The following RNPC3 variants were observed in gnomAD, a reference collection of about 807,000 sequenced individuals.
The protein encoded by RNPC3 is RNA-binding region-containing protein 3.
Under a neutral mutation model 67.5 loss-of-function variants are expected in RNPC3, and 48 were observed. The observed-to-expected ratio is 0.71, with a 90% CI of 0.56 to 0.90. The LOEUF (loss-of-function observed/expected upper bound fraction) is 0.90. RNPC3 is among the 40% of genes least tolerant of loss of function. The probability of loss-of-function intolerance (pLI) is 0.00; values close to 1 mark genes in which losing one functional copy is unlikely to be tolerated. For synonymous variants in RNPC3, 239 were observed against 210.3 expected, an observed-to-expected ratio of 1.14 and a Z score of -1.18; for missense variants, 637 against 626.1, an observed-to-expected ratio of 1.02 and a Z score of -0.19.
chr1:103,543,304 A>G lies in RNPC3; in HGVS notation c.902A>G (p.His301Arg). The part of the protein sequence containing the change: ...TPLCPSHSSL[H>R]PVLLPSDVFD... ...TGATTGTTTTTAAATAGCAGTTTAC[A>G]TCCAGTGCTGTTACCTTCAGATGTA... Residue 301 changes from histidine (H) to arginine (R), a missense_variant, in exon 9 of 15, where the codon CAT (histidine) becomes CGT (arginine). By Grantham distance (29) the His-to-Arg change is conservative. This residue lies in a region of RNPC3 where 536 missense variants were observed against 500.3 expected (regional missense o/e 1.07). Coordinates refer to ENST00000423855, the MANE Select transcript of RNPC3 (RefSeq NM_017619.4). 1 of 1,446,842 alleles carries G rather than the reference A, an allele frequency of 6.9e-7. No homozygotes were observed. Among genetic ancestry groups the G allele is most frequent in the South Asian group, 1.5e-5 (1 of 68,624 alleles). 89.6% of individuals were successfully genotyped at this position (1,446,842 alleles called of 1,614,324 possible). A position where few individuals can be genotyped will look rare whatever the true frequency, so the allele number is the denominator to read the frequency against.
intron 2 of RNPC3, among the ~76,000 whole-genome samples, chr1:103,529,103 C>G (rs1448577466): frequency 6.6e-6 from 1 of 152,042 alleles, no homozygotes; most frequent in Non-Finnish European, 1.5e-5. Flanking sequence ...GATGTAACCT[C>G]AGATTTTTTG....
At position 103,533,841 on chromosome 1, in the gene RNPC3, T is replaced by C. The variant is rs753709433; in HGVS notation, c.343T>C (p.Ser115Pro). The C allele has an allele frequency of 1.4e-6, 2 of 1,481,056 alleles. No individual in the cohort carries two copies. The highest frequency in any genetic ancestry group is 1.2e-5 in the South Asian group (1 of 81,178). The allele number at this position is 1,481,056 out of a possible 1,614,324, so 91.7% of individuals were successfully genotyped here. A position where few individuals can be genotyped will look rare whatever the true frequency, so the allele number is the denominator to read the frequency against. ...RVHSPCPTSGSEKKKRSDDPV... is the reference protein window; with the variant it reads ...RVHSPCPTSGPEKKKRSDDPV... ...TCACTCCCCATGTCCCACTTCAGGC[T>C]CTGAAAAAAAAAAAAGGTATGTAGA... is the stretch of plus-strand genomic sequence containing the variant. Residue 115 changes from serine to proline, a missense_variant, in exon 3 of 15, where the codon TCT (serine) becomes CCT (proline). Coordinates refer to ENST00000423855, the MANE Select transcript of RNPC3 (RefSeq NM_017619.4).
chr1:103,526,258 G>T lies in RNPC3; in HGVS notation c.188G>T (p.Arg63Leu). The T allele has an allele frequency of 6.5e-7, 1 of 1,539,564 alleles. No homozygotes were observed. Among genetic ancestry groups the T allele is most frequent in the Non-Finnish European group, 8.8e-7 (1 of 1,139,954 alleles). Residue 63 changes from arginine (R) to leucine (L), a missense_variant, in exon 1 of 15, where the codon CGA becomes CTA. Physicochemically the swap from Arg to Leu is moderately radical, Grantham distance 102 (BLOSUM62 -2). Transcript: ENST00000423855. Reference protein sequence around the residue: ...QSVRVLSDKGRLKHTAFATFP... With the variant: ...QSVRVLSDKGLLKHTAFATFP... ...GTGCGGGTCCTGTCAGATAAGGGGC[G>T]ACTGGTAAGGGCGCGCCCCTCCGGA... is the stretch of plus-strand genomic sequence containing the variant.
Position 103,540,599 on chromosome 1 carries a change from A to G in RNPC3, c.768-751A>G, listed in dbSNP as rs923325790. Reference sequence around the variant, plus strand: ...ATATGTTTTCATTTTTCCTCAGGGAAAAAAGGTTTAAAGCTTATTTGAACA... The same window carrying G: ...ATATGTTTTCATTTTTCCTCAGGGAGAAAAGGTTTAAAGCTTATTTGAACA... On this transcript the variant is annotated intron_variant, in intron 7 of 14. Transcript: ENST00000423855. Among the ~76,000 whole-genome samples the G allele has an allele frequency of 3.9e-5, 6 of 152,184 alleles. No individual in the cohort carries two copies. In the East Asian group the frequency reaches 1.2e-3, roughly 29 times the overall value.
chr1:103,550,501 C>T (rs911620893), intron 12 of RNPC3, among the ~76,000 whole-genome samples: 16 of 151,644 alleles, frequency 1.1e-4, no homozygotes, highest in Admixed American at 8.5e-4. Context: ...ATTAGCCAGG[C>T]GTGGTGGCGG....
chr1:103,535,567 A>C (rs1464604278), intron 5 of RNPC3, 126 bp downstream of exon 5: 2 of 569,532 alleles, frequency 3.5e-6, no homozygotes, highest in Non-Finnish European at 6.0e-6. Flanking sequence ...TTTTAAATGT[A>C]ATTAAATATT....
intron 12 of RNPC3, among the ~76,000 whole-genome samples, chr1:103,550,394 G>C (rs1651357323): frequency 6.6e-6 from 1 of 151,902 alleles, no homozygotes; most frequent in Non-Finnish European, 1.5e-5. Flanking sequence ...AGCACTTTGG[G>C]AGGCCGAGGC....
Position 103,541,428 on chromosome 1 carries a change from G to C in RNPC3, c.846G>C (p.Lys282Asn), listed in dbSNP as rs1343989997. ...TAAAGCAGCGCCATGTGAGAAAAAAGAGAAAAATAAAGGATATGTTGAATA... is the reference window on the plus strand; with the variant it reads ...TAAAGCAGCGCCATGTGAGAAAAAACAGAAAAATAAAGGATATGTTGAATA... The part of the protein sequence containing the change: ...KTIKQRHVRK[K>N]RKIKDMLNTP... Residue 282 changes from lysine (K) to asparagine (N), a missense_variant, in exon 8 of 15, where the codon AAG (lysine) becomes AAC (asparagine). Lys to Asn is a moderately conservative substitution (Grantham distance 94). Transcript: ENST00000423855. 3.2e-5 allele frequency: 48 copies of C among 1,493,118 alleles called. No homozygotes were observed. Among genetic ancestry groups the C allele is most frequent in the Non-Finnish European group, 4.1e-5 (46 of 1,132,816 alleles). 92.5% of individuals were successfully genotyped at this position (1,493,118 alleles called of 1,614,324 possible).
Position 103,527,720 on chromosome 1 carries a change from C to G in RNPC3, c.218C>G (p.Pro73Arg), listed in dbSNP as rs1650753206. The G allele has an allele frequency of 1.9e-6, 3 of 1,548,526 alleles. No individual in the cohort carries two copies. Among genetic ancestry groups the G allele is most frequent in the Non-Finnish European group, 2.6e-6 (3 of 1,144,850 alleles). The stretch of plus-strand genomic sequence containing the variant: ...AAACATACAGCTTTTGCCACATTCC[C>G]TAATGAAAAAGCAGCTATAAAGGTA... Reference protein sequence around the residue: ...RLKHTAFATFPNEKAAIKALT... With the variant: ...RLKHTAFATFRNEKAAIKALT... The change falls in exon 2 of 15, where the codon CCT (proline) becomes CGT (arginine). Residue 73 changes from proline to arginine, a missense_variant. Transcript: ENST00000423855.
intron 7 of RNPC3, among the ~76,000 whole-genome samples, chr1:103,540,771 A>G (rs1651107355): frequency 6.6e-6 from 1 of 152,158 alleles, no homozygotes; most frequent in South Asian, 2.1e-4. Context: ...TTAATATTAA[A>G]TATTCATATT....
intron 1 of RNPC3, 102 bp downstream of exon 1, chr1:103,526,364 G>A (rs759173093): frequency 3.1e-6 from 3 of 957,216 alleles, no homozygotes; most frequent in African/African-American, 1.7e-5. Context: ...GGGGAAGATG[G>A]ACTTGTGTGA....
At chr1:103,552,431 TA>T (rs1431114269) in intron 14 of RNPC3, 1 of 53,648 alleles carries the variant, frequency 1.9e-5, no homozygotes, top group East Asian at 5.1e-4. Context: ...AAGTAAATGT[TA>T]AAATAAAAGT....
At chr1:103,543,745 A>G (rs1651180003) in intron 9 of RNPC3, among the ~76,000 whole-genome samples, 3 of 151,606 alleles carry the variant, frequency 2.0e-5, no homozygotes, top group Admixed American at 2.0e-4. Flanking sequence ...TGACTTTTTC[A>G]TTTCTTGTTT....
intron 9 of RNPC3, among the ~76,000 whole-genome samples, chr1:103,544,599 TAGTG>T (rs1014655389): frequency 2.6e-5 from 4 of 152,002 alleles, no homozygotes; most frequent in East Asian, 1.9e-4. Context: ...ATTGCAAACA[TAGTG>T]AGTGAAAAAC....
intron 7 of RNPC3, among the ~76,000 whole-genome samples, chr1:103,538,809 A>T (rs1436441728): frequency 6.6e-6 from 1 of 152,202 alleles, no homozygotes; most frequent in African/African-American, 2.4e-5. Flanking sequence ...CTGCAGATGA[A>T]TTATTCTTTT....
Position 103,534,413 on chromosome 1 carries a change from A to G in RNPC3, c.360-361A>G, listed in dbSNP as rs191627955. Among the ~76,000 whole-genome samples the G allele has an allele frequency of 1.3e-4, 20 of 152,160 alleles. No individual in the cohort carries two copies. The East Asian group carries it at 3.7e-3, about 28-fold the overall frequency. On this transcript the variant is annotated intron_variant, in intron 3 of 14. Coordinates refer to ENST00000423855, the MANE Select transcript of RNPC3 (RefSeq NM_017619.4). ...TCTATGAGTTTTAATAAACTCTCCA[A>G]GTGATTATGACACACATTAAAGACA...
Position 103,526,141 on chromosome 1 carries a change from G to T in RNPC3, c.71G>T (p.Arg24Leu), listed in dbSNP as rs566889438. ...AGCTCCTCCTCGCTTTCCCCGCCTC[G>T]GGGCGACCGAACCCTTCTGGTCAGG... ...CTSSSSLSPPRGDRTLLVRHL... is the reference protein window; with the variant it reads ...CTSSSSLSPPLGDRTLLVRHL... The change falls in exon 1 of 15, where the codon CGG becomes CTG. Residue 24 changes from arginine to leucine, a missense_variant. By Grantham distance (102) the Arg-to-Leu change is moderately radical. This residue lies in a region of RNPC3 where 536 missense variants were observed against 500.3 expected (regional missense o/e 1.07). Transcript: ENST00000423855. 3 of 1,551,390 alleles carry T rather than the reference G, an allele frequency of 1.9e-6. No homozygotes were observed. Among genetic ancestry groups the T allele is most frequent in the Admixed American group, 2.0e-5 (1 of 50,966 alleles).
At chr1:103,554,119 C>CGA (rs1242890967) in intron 14 of RNPC3, 1 of 152,184 alleles carries the variant, frequency 6.6e-6, no homozygotes, top group East Asian at 1.9e-4. Context: ...TTTGCAAGTC[C>CGA]GAGATGGGAG....
chr1:103,526,213 A>C lies in RNPC3; in HGVS notation c.143A>C (p.Lys48Thr). The C allele has an allele frequency of 6.4e-7, 1 of 1,551,320 alleles. No individual in the cohort carries two copies. Among genetic ancestry groups the C allele is most frequent in the Non-Finnish European group, 8.7e-7 (1 of 1,146,822 alleles). Residue 48 changes from lysine (K) to threonine (T), a missense_variant, in exon 1 of 15, where the codon AAG (lysine) becomes ACG (threonine). Coordinates refer to ENST00000423855, the MANE Select transcript of RNPC3 (RefSeq NM_017619.4). ...LTAEEKEDLL[K>T]YFGAQSVRVL... is the part of the protein sequence containing the mutation. The stretch of plus-strand genomic sequence containing the variant: ...GCTGAGGAGAAAGAGGACTTGCTGA[A>C]GTACTTCGGGGCTCAGTCTGTGCGG...
Sources: gnomAD v4.1 joint callset for allele counts (sites outside exome capture counted in the v4.1 genomes callset) on GRCh38, gnomAD v4.1.1 for gene constraint, gnomAD v4.1.1 regional missense constraint, MANE v1.5 for transcripts, NCBI Gene and HGNC (gene_info 2026-07-23, HGNC 2026-07-21) for gene names.